Variants in PTPRT observed in about 807,000 individuals in gnomAD.
The protein encoded by PTPRT is protein tyrosine phosphatase receptor type T.
A neutral mutation model predicts 176.8 loss-of-function variants in PTPRT; 56 were observed. The observed-to-expected ratio is 0.32, with a 90% confidence interval of 0.26 to 0.40. The LOEUF is 0.40. PTPRT is among the 10% of genes least tolerant of loss of function. The pLI is 1.00. For missense variants in PTPRT, 1,540 were observed against 1,908.2 expected (o/e 0.81, Z 3.60); for synonymous variants, 783 against 739.0 (o/e 1.06, Z -0.96).
At chr20:42,802,897 T>C (rs936537721) in intron 2 of PTPRT, among the ~76,000 whole-genome samples, 4 of 152,120 alleles carry the variant, frequency 2.6e-5, no homozygotes, top group African/African-American at 4.8e-5. Flanking sequence ...AAAATGGAGG[T>C]GATGATGGCA....
chr20:42,485,311 T>A (rs408368), intron 7 of PTPRT, among the ~76,000 whole-genome samples: 43,023 of 151,680 alleles, frequency 0.28, 6,545 homozygotes, highest in East Asian at 0.4. Flanking sequence ...TTAAAGAAAT[T>A]AAAGGAAAAG....
the PTPRT span, among the ~76,000 whole-genome samples, chr20:42,067,681 G>C: frequency 6.6e-6 from 1 of 152,168 alleles, no homozygotes; most frequent in Non-Finnish European, 1.5e-5. Context: ...CATAGGATGA[G>C]CTTAGGACAT....
At chr20:42,752,064 C>T (rs1358714156) in intron 6 of PTPRT, among the ~76,000 whole-genome samples, 1 of 152,152 alleles carries the variant, frequency 6.6e-6, no homozygotes, top group African/African-American at 2.4e-5. Flanking sequence ...ATACTCGGCA[C>T]ATCACCGTGT....
intron 6 of PTPRT, among the ~76,000 whole-genome samples, chr20:42,691,370 T>A (rs1387490708): frequency 6.6e-6 from 1 of 152,266 alleles, no homozygotes; most frequent in Non-Finnish European, 1.5e-5. Context: ...AAGGTGTCTG[T>A]GGCTTTAGAG....
At chr20:42,082,089 T>A in intron 29 of PTPRT, 72 bp from the exon 30 acceptor site, 1 of 1,602,986 alleles carries the variant, frequency 6.2e-7, no homozygotes, top group East Asian at 2.2e-5. Context: ...TAAAGCTACA[T>A]CAGTAGGAGT....
chr20:42,181,659 C>T (rs1280163278), intron 16 of PTPRT, among the ~76,000 whole-genome samples: 1 of 152,122 alleles, frequency 6.6e-6, no homozygotes, highest in Non-Finnish European at 1.5e-5. Context: ...TGTGATCTAT[C>T]CTGACTTAAA....
intron 9 of PTPRT, among the ~76,000 whole-genome samples, chr20:42,442,936 A>G (rs574162098): frequency 1.3e-5 from 2 of 152,236 alleles, no homozygotes; most frequent in South Asian, 2.1e-4. Context: ...TGTTCCCAAG[A>G]GCTGAGTCAG....
intron 7 of PTPRT, among the ~76,000 whole-genome samples, chr20:42,581,300 A>G (rs918939050): frequency 3.3e-5 from 5 of 152,186 alleles, no homozygotes; most frequent in African/African-American, 1.2e-4. Context: ...TCCAATCTGC[A>G]TTCTCTCTGC....
Position 42,102,188 on chromosome 20 carries a change from C to T in PTPRT, c.3650G>A (p.Cys1217Tyr). The change falls in exon 26 of 31, where the codon TGC becomes TAC. Residue 1217 changes from cysteine (C) to tyrosine (Y), a missense_variant. Physicochemically the swap from Cys to Tyr is radical, Grantham distance 194. This residue lies in a region of PTPRT where 342 missense variants were observed against 394.0 expected (regional missense o/e 0.87). Transcript: ENST00000373187. ...GTCCACTGAGATAAGGAAGGGCAGG[C>T]AGCGGTCCAGAGGCAGCACGTCCAT... The part of the protein sequence containing the change: ...RSMDVLPLDR[C>Y]LPFLISVDGE... 6.2e-7 allele frequency: 1 copy of T among 1,614,204 alleles called. No homozygotes were observed. The highest frequency in any genetic ancestry group is 8.5e-7 in the Non-Finnish European group (1 of 1,180,028).
chr20:43,033,595 A>G (rs1162967221), intron 1 of PTPRT, among the ~76,000 whole-genome samples: 1 of 152,224 alleles, frequency 6.6e-6, no homozygotes, highest in Non-Finnish European at 1.5e-5. Flanking sequence ...ATTAGTTACA[A>G]GTTGAAAGCT....
intron 12 of PTPRT, among the ~76,000 whole-genome samples, chr20:42,288,736 T>C (rs1296797387): frequency 2.6e-5 from 4 of 152,028 alleles, no homozygotes; most frequent in Non-Finnish European, 4.4e-5. Flanking sequence ...ATGGAGTATA[T>C]GAACCATGTT....
intron 1 of PTPRT, among the ~76,000 whole-genome samples, chr20:43,135,892 G>A (rs2013817066): frequency 1.3e-5 from 2 of 152,190 alleles, no homozygotes; most frequent in African/African-American, 4.8e-5. Flanking sequence ...GAGTCACATG[G>A]AATAAATTTT....
intron 17 of PTPRT, among the ~76,000 whole-genome samples, chr20:42,154,985 G>A (rs1989290864): frequency 6.6e-6 from 1 of 152,180 alleles, no homozygotes. Flanking sequence ...AGACCTGAGG[G>A]TTGGCAGAGC....
chr20:42,850,050 G>C (rs2145755857), intron 2 of PTPRT, among the ~76,000 whole-genome samples: 1 of 152,166 alleles, frequency 6.6e-6, no homozygotes, highest in African/African-American at 2.4e-5. Flanking sequence ...TTTCTCCCTG[G>C]GCTGCATGTT....
At chr20:42,816,910 T>G (rs867984345) in intron 2 of PTPRT, among the ~76,000 whole-genome samples, 5 of 152,084 alleles carry the variant, frequency 3.3e-5, no homozygotes, top group Non-Finnish European at 5.9e-5. Context: ...ACCTTGGCCA[T>G]GAAAGCGTAA....
chr20:42,095,062 C>T (rs1043807164), intron 27 of PTPRT, among the ~76,000 whole-genome samples: 2 of 152,130 alleles, frequency 1.3e-5, no homozygotes, highest in African/African-American at 4.8e-5. Flanking sequence ...CATAGTCAAT[C>T]TCTCTGGATG....
At chr20:42,794,925 G>T (rs1328535663) in intron 2 of PTPRT, among the ~76,000 whole-genome samples, 1 of 152,062 alleles carries the variant, frequency 6.6e-6, no homozygotes, top group African/African-American at 2.4e-5. Flanking sequence ...ACCTTATATA[G>T]GTCTGACCAC....
intron 16 of PTPRT, among the ~76,000 whole-genome samples, chr20:42,190,795 A>G (rs903005049): frequency 3.3e-5 from 5 of 152,182 alleles, no homozygotes; most frequent in Non-Finnish European, 7.3e-5. Flanking sequence ...CTTGTCTATG[A>G]AATGGGAATA....
chr20:42,274,301 G>T (rs966537697), intron 13 of PTPRT, among the ~76,000 whole-genome samples: 2 of 152,092 alleles, frequency 1.3e-5, no homozygotes, highest in Admixed American at 6.6e-5. Context: ...CCTGCTCAGG[G>T]GTTCTCTGAG....
Sources: gnomAD v4.1 joint callset for allele counts (sites outside exome capture counted in the v4.1 genomes callset) on GRCh38, gnomAD v4.1.1 for gene constraint, gnomAD v4.1.1 regional missense constraint, MANE v1.5 for transcripts, NCBI Gene and HGNC (gene_info 2026-07-23, HGNC 2026-07-21) for gene names.